The following PLA2G3 variants were observed in gnomAD, a reference collection of about 807,000 sequenced individuals.
The protein encoded by PLA2G3 is group 3 secretory phospholipase A2.
Under a neutral mutation model 51.3 loss-of-function variants are expected in PLA2G3, and 39 were observed. The observed-to-expected ratio is 0.76, with a 90% CI of 0.59 to 0.99. The LOEUF (loss-of-function observed/expected upper bound fraction) is 0.99, where lower values mean the gene tolerates loss of function less well. Ranked by LOEUF, PLA2G3 falls within the 50% of genes least tolerant of loss-of-function variation. PLA2G3 has a pLI of 0.00. For missense variants in PLA2G3, 677 were observed against 662.1 expected, an observed-to-expected ratio of 1.02 and a Z score of -0.25; for synonymous variants, 293 against 263.1, an observed-to-expected ratio of 1.11 and a Z score of -1.10.
Position 31,140,407 on chromosome 22 carries a change from T to C in PLA2G3, c.-53A>G. Reference sequence around the variant, plus strand: ...AAGCCCCTGGGATGCCTGCCCTTGGTGGCCCCACCAGGCGGCAGCTGAGCA... The same window carrying C: ...AAGCCCCTGGGATGCCTGCCCTTGGCGGCCCCACCAGGCGGCAGCTGAGCA... On this transcript the variant is annotated 5_prime_UTR_variant, in exon 1 of 7. Transcript: ENST00000215885. The C allele has an allele frequency of 1.3e-6, 2 of 1,511,560 alleles. No individual in the cohort carries two copies. The highest frequency in any genetic ancestry group is 8.8e-7 in the Non-Finnish European group (1 of 1,138,222). 93.6% of individuals were successfully genotyped at this position (1,511,560 alleles called of 1,614,324 possible).
At chr22:31,136,249 GTAATC>G (rs1922551279) in intron 6 of PLA2G3, among the ~76,000 whole-genome samples, 1 of 152,218 alleles carries the variant, frequency 6.6e-6, no homozygotes, top group Non-Finnish European at 1.5e-5. Flanking sequence ...GCTCACGCCT[GTAATC>G]CCAGCACTTT....
At position 31,137,869 on chromosome 22, in the gene PLA2G3, G is replaced by A. The variant is rs151265075; in HGVS notation, c.907C>T (p.Arg303Ter). The A allele has an allele frequency of 1.6e-3, 2,511 of 1,614,044 alleles. 3 individuals are homozygous for A. The highest frequency in any genetic ancestry group is 1.9e-3 in the Non-Finnish European group (2,213 of 1,179,982). Residue 303 changes from arginine (R) to a stop codon, truncating the protein, a stop_gained, in exon 4 of 7, where the codon CGA becomes TGA. Coordinates refer to ENST00000215885, the MANE Select transcript of PLA2G3 (RefSeq NM_015715.5). LOFTEE classifies it high-confidence loss of function. ...CCCTTCCGAAGGTGCTGCTTCTGTC[G>A]AGGCTTGGGAGGGGCTGGGCTCCGG... The part of the protein sequence containing the change: ...SSRSPAPPKP[R>*]QKQHLRKGPP...
Position 31,138,345 on chromosome 22 carries a change from T to C in PLA2G3, c.713A>G (p.Asn238Ser), listed in dbSNP as rs754448431. Residue 238 changes from asparagine to serine, a missense_variant, in exon 3 of 7, where the codon AAC becomes AGC. By Grantham distance (46) the Asn-to-Ser change is conservative. Coordinates refer to ENST00000215885, the MANE Select transcript of PLA2G3 (RefSeq NM_015715.5). ...ISDIVGVAFF[N>S]VLEIPCFVLE... Reference sequence around the variant, plus strand: ...CACAAAGCAGGGGATCTCCAGCACGTTGAAGAAGGCCACGCCCACGATGTC... The same window carrying C: ...CACAAAGCAGGGGATCTCCAGCACGCTGAAGAAGGCCACGCCCACGATGTC... The C allele has an allele frequency of 1.9e-6, 3 of 1,613,988 alleles. No homozygotes were observed. Among genetic ancestry groups the C allele is most frequent in the South Asian group, 2.2e-5 (2 of 91,088 alleles).
At position 31,136,765 on chromosome 22, in the gene PLA2G3, C is replaced by T. The variant is rs112546333; in HGVS notation, c.1234G>A (p.Glu412Lys). ...AGCTCCCAAAGCATGTTGGTAACCT[C>T]GGGTGGGCTGTGGAGCCTCAGGAAG... Reference protein sequence around the residue: ...ARFLRLHSPPEVTNMLWELLG... With the variant: ...ARFLRLHSPPKVTNMLWELLG... The change falls in exon 6 of 7, where the codon GAG becomes AAG. Residue 412 changes from glutamate (E) to lysine (K), a missense_variant. Transcript: ENST00000215885. 5.9e-5 allele frequency: 96 copies of T among 1,613,508 alleles called. No individual in the cohort carries two copies. Among genetic ancestry groups the T allele is most frequent in the Middle Eastern group, 3.3e-4 (2 of 6,052 alleles).
At position 31,140,298 on chromosome 22, in the gene PLA2G3, C is replaced by A. The variant is rs368637435; in HGVS notation, c.57G>T (p.Gly19=). 1 of 1,611,196 alleles carries A rather than the reference C, an allele frequency of 6.2e-7. No homozygotes were observed. Among genetic ancestry groups the A allele is most frequent in the Non-Finnish European group, 8.5e-7 (1 of 1,179,706 alleles). The part of the protein sequence containing the change: ...GMLGFLGVAL[G]GSPALRWYRT... ...TGTACCAGCGGAGGGCAGGGGAGCC[C>A]CCCAGGGCCACCCCCAGGAAGCCCA... Residue 19 remains glycine, a synonymous_variant, in exon 1 of 7, where the codon GGG becomes GGT. Transcript: ENST00000215885.
At chr22:31,137,670 C>T in intron 4 of PLA2G3, 40 bp downstream of exon 4, 4 of 1,536,990 alleles carry the variant, frequency 2.6e-6, no homozygotes, top group African/African-American at 2.8e-5. Flanking sequence ...AGGGACACCC[C>T]CTCATGTCAG....
chr22:31,138,826 C>G, intron 1 of PLA2G3, 27 bp from the exon 2 acceptor site: 1 of 1,613,042 alleles, frequency 6.2e-7, no homozygotes, highest in Non-Finnish European at 8.5e-7. Flanking sequence ...GGAGAGGGCA[C>G]CAACTCAGCA....
rs752585397 is a variant in PLA2G3, at chr22:31,136,942, G to C, written c.1165C>G (p.Gln389Glu). ...CAGTTGCAGTGGAAGAGGGGCTCTT[G>C]GGCGCTGTTGAGCAGCTGGAACTCG... Reference protein sequence around the residue: ...EIEFQLLNSAQEPLFHCNCTR... With the variant: ...EIEFQLLNSAEEPLFHCNCTR... The change falls in exon 5 of 7, where the codon CAA (glutamine) becomes GAA (glutamate). Residue 389 changes from glutamine to glutamate, a missense_variant. By Grantham distance (29) the Gln-to-Glu change is conservative. Coordinates refer to ENST00000215885, the MANE Select transcript of PLA2G3 (RefSeq NM_015715.5). 4 of 1,603,916 alleles carry C rather than the reference G, an allele frequency of 2.5e-6. No individual in the cohort carries two copies. Among genetic ancestry groups the C allele is most frequent in the Non-Finnish European group, 3.4e-6 (4 of 1,175,630 alleles).
At chr22:31,139,357 C>T (rs1304387494) in intron 1 of PLA2G3, among the ~76,000 whole-genome samples, 3 of 152,236 alleles carry the variant, frequency 2.0e-5, no homozygotes, top group Admixed American at 1.3e-4. Flanking sequence ...ATGCCTGGCA[C>T]TTCCCACATC....
chr22:31,140,458 G>T lies in PLA2G3; in HGVS notation c.-104C>A, dbSNP rs1922839381. 7.5e-7 allele frequency: 1 copy of T among 1,324,840 alleles called. No individual in the cohort carries two copies. The highest frequency in any genetic ancestry group is 1.0e-6 in the Non-Finnish European group (1 of 978,284). The allele number at this position is 1,324,840 out of a possible 1,614,324, so 82.1% of individuals were successfully genotyped here. A position where few individuals can be genotyped will look rare whatever the true frequency, so the allele number is the denominator to read the frequency against. On this transcript the variant is annotated 5_prime_UTR_variant, in exon 1 of 7. Transcript: ENST00000215885. Reference sequence around the variant, plus strand: ...GTGGAACGGAAGCGGAGCCCAGCAGGCCCGGTGCGGCGGGACCAATGAATG... The same window carrying T: ...GTGGAACGGAAGCGGAGCCCAGCAGTCCCGGTGCGGCGGGACCAATGAATG...
rs1447937912 is a variant in PLA2G3 at position 31,136,751 on chromosome 22, C to T, written c.1248G>A (p.Met416Ile). The T allele has an allele frequency of 1.9e-6, 3 of 1,613,364 alleles. No individual in the cohort carries two copies. Among genetic ancestry groups the T allele is most frequent in the South Asian group, 2.2e-5 (2 of 91,012 alleles). The change falls in exon 6 of 7, where the codon ATG becomes ATA. Residue 416 changes from methionine (M) to isoleucine (I), a missense_variant. Transcript: ENST00000215885. ...RLHSPPEVTN[M>I]LWELLGTTCF... Reference sequence around the variant, plus strand: ...AGGTTGTGCCCAGCAGCTCCCAAAGCATGTTGGTAACCTCGGGTGGGCTGT... The same window carrying T: ...AGGTTGTGCCCAGCAGCTCCCAAAGTATGTTGGTAACCTCGGGTGGGCTGT...
At chr22:31,136,013 GC>G in intron 6 of PLA2G3, 77 bp from the exon 7 acceptor site, 1 of 1,252,342 alleles carries the variant, frequency 8.0e-7, no homozygotes, top group Non-Finnish European at 1.1e-6. Context: ...GTGGGCTGAG[GC>G]CCAGAGAGAG....
intron 3 of PLA2G3, 123 bp downstream of exon 3, chr22:31,138,153 G>C (rs746217501): frequency 1.4e-6 from 2 of 1,380,638 alleles, no homozygotes; most frequent in Non-Finnish European, 2.0e-6. Context: ...GCCCTCAGGA[G>C]AGGACATGCA....
chr22:31,135,861 G>A lies in PLA2G3; in HGVS notation c.1392C>T (p.Leu464=), dbSNP rs756619491. 1 of 1,613,948 alleles carries A rather than the reference G, an allele frequency of 6.2e-7. No homozygotes were observed. The highest frequency in any genetic ancestry group is 1.1e-5 in the South Asian group (1 of 91,086). The change falls in exon 7 of 7, where the codon CTC becomes CTT. Residue 464 remains leucine, a synonymous_variant. Coordinates refer to ENST00000215885, the MANE Select transcript of PLA2G3 (RefSeq NM_015715.5). ...LRRLQQRRHQ[L]QDKGTDERQP... is the part of the protein sequence containing the mutation. ...GCCTCTCATCTGTGCCTTTATCCTG[G>A]AGCTGGTGTCGCCTCTGCTGAAGCC... is the stretch of plus-strand genomic sequence containing the variant.
In PLA2G3 at chr22:31,135,574, C is replaced by A. The variant is rs1430303222; in HGVS notation, c.*149G>T. 6.0e-6 allele frequency: 4 copies of A among 664,334 alleles called. No individual in the cohort carries two copies. Among genetic ancestry groups the A allele is most frequent in the Admixed American group, 5.1e-5 (2 of 39,242 alleles). The allele number at this position is 664,334 out of a possible 1,614,324, so 41.2% of individuals were successfully genotyped here. On this transcript the variant is annotated 3_prime_UTR_variant, in exon 7 of 7. Coordinates refer to ENST00000215885, the MANE Select transcript of PLA2G3 (RefSeq NM_015715.5). ...AGGAGATGTGGTCCAGCATTTGGGC[C>A]TTGAGATCCCCCCATTCATCCTCTT...
rs751289093 is a variant in PLA2G3, at chr22:31,138,703, C to T, written c.611G>A (p.Arg204Gln). The change falls in exon 2 of 7, where the codon CGA (arginine) becomes CAA (glutamine). Residue 204 changes from arginine (R) to glutamine (Q), a missense_variant. By Grantham distance (43) the Arg-to-Gln change is conservative. Transcript: ENST00000215885. The part of the protein sequence containing the change: ...LQYNYGIRNY[R>Q]FHTISHCDCD... ...GTCACAGTGGGAGATGGTGTGGAATCGGTAGTTTCGGATGCCATAGTTGTA... is the reference window on the plus strand; with the variant it reads ...GTCACAGTGGGAGATGGTGTGGAATTGGTAGTTTCGGATGCCATAGTTGTA... The T allele has an allele frequency of 6.2e-6, 10 of 1,613,914 alleles. No individual in the cohort carries two copies. The highest frequency in any genetic ancestry group is 1.7e-5 in the Admixed American group (1 of 59,974).
In PLA2G3 at chr22:31,138,294, G is replaced by A. The variant is rs2232177; in HGVS notation, c.764C>T (p.Ala255Val). 7.6e-3 allele frequency: 12,222 copies of A among 1,613,708 alleles called. 73 individuals carry two copies. Among genetic ancestry groups the A allele is most frequent in the Non-Finnish European group, 9.2e-3 (10,884 of 1,179,908 alleles). The change falls in exon 3 of 7, where the codon GCG becomes GTG. Residue 255 changes from alanine (A) to valine (V), a missense_variant. Physicochemically the swap from Ala to Val is moderately conservative, Grantham distance 64. Coordinates refer to ENST00000215885, the MANE Select transcript of PLA2G3 (RefSeq NM_015715.5). ...FVLEEQEACV[A>V]WYWWGGCRMY... is the part of the protein sequence containing the mutation. Reference sequence around the variant, plus strand: ...CACGTACCCGCCCCACCAGTACCACGCCACACACGCCTCCTGCTCCTCCAG... The same window carrying A: ...CACGTACCCGCCCCACCAGTACCACACCACACACGCCTCCTGCTCCTCCAG...
chr22:31,135,411 TA>T lies in PLA2G3; in HGVS notation c.*311del, dbSNP rs949035896. 3 of 393,788 alleles carry T rather than the reference TA, an allele frequency of 7.6e-6. No homozygotes were observed. Among genetic ancestry groups the T allele is most frequent in the African/African-American group, 6.0e-5 (3 of 50,014 alleles). 24.4% of individuals were successfully genotyped at this position (393,788 alleles called of 1,614,324 possible). A position where few individuals can be genotyped will look rare whatever the true frequency, so the allele number is the denominator to read the frequency against. On this transcript the variant is annotated 3_prime_UTR_variant, in exon 7 of 7. Transcript: ENST00000215885. ...ACTGCCTGGGGCTGCTGCAATAAGT[TA>T]CCCTTTCCCCATTCTCATCTGTATG...
chr22:31,139,802 C>G, intron 1 of PLA2G3, 39 bp downstream of exon 1: 1 of 1,472,792 alleles, frequency 6.8e-7, no homozygotes, highest in South Asian at 1.2e-5. Flanking sequence ...CTTGCTTCCC[C>G]GATCGGACCC....
Sources: allele counts gnomAD v4.1 joint callset (sites outside exome capture counted in the v4.1 genomes callset), GRCh38; gene constraint gnomAD v4.1.1; transcripts MANE v1.5; gene names NCBI Gene and HGNC (gene_info 2026-07-23, HGNC 2026-07-21).